PTPRT: variants seen among roughly 807,000 people sequenced by gnomAD.
PTPRT encodes protein tyrosine phosphatase receptor type T.
PTPRT carries 56 observed loss-of-function variants against 176.8 expected under a neutral mutation model. The observed-to-expected ratio is 0.32, with a 90% CI of 0.26 to 0.40. PTPRT has a LOEUF of 0.40. PTPRT is among the 10% of genes least tolerant of loss of function. The probability of loss-of-function intolerance (pLI) is 1.00; values close to 1 mark genes in which losing one functional copy is unlikely to be tolerated. For synonymous variants in PTPRT, 783 were observed against 739.0 expected, an observed-to-expected ratio of 1.06 and a Z score of -0.96; for missense variants, 1,540 against 1,908.2, an observed-to-expected ratio of 0.81 and a Z score of 3.60.
At position 42,181,106 on chromosome 20, in the gene PTPRT, G is replaced by T. The variant is rs6102708; in HGVS notation, c.2491+18134C>A. ...AGGGCTCAATAAATATTAGTTTCTT[G>T]TACTTTCCCATTTAAATACAATATG... On this transcript the variant is annotated intron_variant, in intron 16 of 30. Coordinates refer to ENST00000373187, the MANE Select transcript of PTPRT (RefSeq NM_007050.6). Among the ~76,000 whole-genome samples, 4 of 152,198 alleles carry T rather than the reference G, an allele frequency of 2.6e-5. No individual in the cohort carries two copies. In the East Asian group the frequency reaches 7.7e-4, roughly 29 times the overall value.
chr20:42,184,574 T>TTCTTCTTCTTCTTCTTCTTCC (rs1990673811), intron 16 of PTPRT, among the ~76,000 whole-genome samples: 2 of 138,570 alleles, frequency 1.4e-5, no homozygotes, highest in African/African-American at 5.6e-5. Context: ...CTTCTTCTTC[T>TTCTTCTTCTTCTTCTTCTTCC]TCTTCTTCTT....
At chr20:42,194,196 C>T (rs1340740934) in intron 16 of PTPRT, among the ~76,000 whole-genome samples, 1 of 152,202 alleles carries the variant, frequency 6.6e-6, no homozygotes, top group Non-Finnish European at 1.5e-5. Flanking sequence ...TTTTATTCAT[C>T]TTTGAAACTA....
chr20:42,393,226 C>A (rs890610639), intron 9 of PTPRT, among the ~76,000 whole-genome samples: 1 of 152,194 alleles, frequency 6.6e-6, no homozygotes, highest in Admixed American at 6.5e-5. Context: ...CTGCTGTCTA[C>A]CCAAATGCCA....
chr20:42,423,471 A>G (rs1338982406), intron 9 of PTPRT, among the ~76,000 whole-genome samples: 3 of 152,110 alleles, frequency 2.0e-5, no homozygotes, highest in Non-Finnish European at 4.4e-5. Context: ...CTGTGGCCTC[A>G]TCCTGTGCCC....
chr20:42,576,243 A>T (rs117011782), intron 7 of PTPRT, among the ~76,000 whole-genome samples: 6,996 of 152,034 alleles, frequency 0.046, 231 homozygotes, highest in Middle Eastern at 0.1. Context: ...GACTCATCTC[A>T]GTTTAGGCAT....
At chr20:42,311,304 A>G (rs576676891) in intron 12 of PTPRT, among the ~76,000 whole-genome samples, 1 of 152,282 alleles carries the variant, frequency 6.6e-6, no homozygotes, top group South Asian at 2.1e-4. Context: ...TAGTTTACTG[A>G]AAGTCACACA....
At chr20:42,056,522 G>T in the PTPRT span, among the ~76,000 whole-genome samples, 2 of 152,294 alleles carry the variant, frequency 1.3e-5, no homozygotes, top group Admixed American at 1.3e-4. Context: ...TTATGCATAT[G>T]CCAGTACCGT....
intron 2 of PTPRT, among the ~76,000 whole-genome samples, chr20:42,825,193 T>C (rs2077971016): frequency 1.3e-5 from 2 of 152,036 alleles, no homozygotes; most frequent in Non-Finnish European, 2.9e-5. Flanking sequence ...TAACACAATA[T>C]GAATCACATA....
intron 7 of PTPRT, among the ~76,000 whole-genome samples, chr20:42,529,091 C>A (rs948766780): frequency 6.6e-6 from 1 of 152,160 alleles, no homozygotes; most frequent in Admixed American, 6.5e-5. Context: ...CAGAAACGAC[C>A]TTTTAAATTT....
At chr20:42,276,762 G>T (rs2057046969) in intron 13 of PTPRT, among the ~76,000 whole-genome samples, 1 of 151,288 alleles carries the variant, frequency 6.6e-6, no homozygotes, top group South Asian at 2.1e-4. Context: ...CTTCCACATA[G>T]GCTTGTATCA....
In PTPRT at chr20:42,680,864, T is replaced by C. The variant is rs78699112; in HGVS notation, c.860-2705A>G. 8.9e-3 allele frequency among the ~76,000 whole-genome samples: 1,359 copies of C among 152,354 alleles called. 23 individuals carry two copies. The highest frequency in any genetic ancestry group is 0.032 in the African/African-American group (1,311 of 41,580). On this transcript the variant is annotated intron_variant, in intron 6 of 30. Coordinates refer to ENST00000373187, the MANE Select transcript of PTPRT (RefSeq NM_007050.6). ...ACAAACATCCCCTTGAGTATATAAA[T>C]GTCCCTATCTCAAATGACTTGCGAC...
intron 1 of PTPRT, among the ~76,000 whole-genome samples, chr20:43,008,134 T>A (rs1414479469): frequency 6.6e-6 from 1 of 152,162 alleles, no homozygotes; most frequent in Non-Finnish European, 1.5e-5. Context: ...CCCTCAAAAT[T>A]CATAGGTTGA....
chr20:42,088,144 C>T (rs950645783), intron 27 of PTPRT, among the ~76,000 whole-genome samples: 2 of 152,134 alleles, frequency 1.3e-5, no homozygotes, highest in South Asian at 4.1e-4. Context: ...CGCTGGGGAC[C>T]ACCCCAACAT....
At chr20:42,177,764 A>G (rs1272887407) in intron 16 of PTPRT, among the ~76,000 whole-genome samples, 1 of 152,062 alleles carries the variant, frequency 6.6e-6, no homozygotes, top group Non-Finnish European at 1.5e-5. Context: ...GCACCTAGGG[A>G]AGAAGAATGG....
Position 42,531,754 on chromosome 20 carries a change from T to C in PTPRT, c.1154-59192A>G, listed in dbSNP as rs551690907. On this transcript the variant is annotated intron_variant, in intron 7 of 30. Transcript: ENST00000373187. ...CTAAAGAGACAGTCACTACTTTGGA[T>C]AGATGTTGGCTGTCCTCCACAGGCT... 5.3e-5 allele frequency among the ~76,000 whole-genome samples: 8 copies of C among 152,290 alleles called. No homozygotes were observed. The East Asian group carries it at 1.5e-3, about 29-fold the overall frequency.
At chr20:42,602,728 C>A (rs986024470) in intron 7 of PTPRT, among the ~76,000 whole-genome samples, 2 of 151,958 alleles carry the variant, frequency 1.3e-5, no homozygotes, top group African/African-American at 4.8e-5. Flanking sequence ...CCTGGCCACC[C>A]CACAAACAAT....
At position 42,749,325 on chromosome 20, in the gene PTPRT, CCTG is replaced by C. The variant is rs1250863796; in HGVS notation, c.859+7134_859+7136del. Among the ~76,000 whole-genome samples, 3 of 152,274 alleles carry C rather than the reference CCTG, an allele frequency of 2.0e-5. No individual in the cohort carries two copies. The East Asian group carries it at 5.8e-4, about 29-fold the overall frequency. ...GTGTCTCAAAACTAACCCAGGCTGT[CCTG>C]CTTATGAGCTTGCCAAGCCACAGGA... On this transcript the variant is annotated intron_variant, in intron 6 of 30. Coordinates refer to ENST00000373187, the MANE Select transcript of PTPRT (RefSeq NM_007050.6).
At chr20:42,641,687 A>G (rs184597159) in intron 7 of PTPRT, among the ~76,000 whole-genome samples, 27 of 152,322 alleles carry the variant, frequency 1.8e-4, no homozygotes, top group Admixed American at 1.4e-3. Flanking sequence ...TGGATGAGCC[A>G]TTTATGACTG....
intron 2 of PTPRT, among the ~76,000 whole-genome samples, chr20:42,849,757 G>A (rs908337907): frequency 6.6e-6 from 1 of 152,144 alleles, no homozygotes. Flanking sequence ...TACATGAGAC[G>A]ATGTGTGTGA....
Sources: allele counts gnomAD v4.1 joint callset (sites outside exome capture counted in the v4.1 genomes callset), GRCh38; gene constraint gnomAD v4.1.1; transcripts MANE v1.5; gene names NCBI Gene and HGNC (gene_info 2026-07-23, HGNC 2026-07-21).